Variants in SATB2 observed in about 807,000 individuals in gnomAD.
SATB2 encodes the protein DNA-binding protein SATB2.
A neutral mutation model predicts 73.4 loss-of-function variants in SATB2; 1 was observed. That is an observed-to-expected ratio of 0.01 (90% CI 0.00 to 0.06). The LOEUF (loss-of-function observed/expected upper bound fraction) is 0.06. Ranked by LOEUF, SATB2 falls within the 10% of genes least tolerant of loss-of-function variation. The pLI is 1.00. For synonymous variants in SATB2, 397 were observed against 367.0 expected (o/e 1.08, Z -0.93); for missense variants, 459 against 945.8 (o/e 0.49, Z 6.75).
chr2:199,360,150 A>G (rs1457568355), intron 6 of SATB2, among the ~76,000 whole-genome samples: 1 of 152,174 alleles, frequency 6.6e-6, no homozygotes, highest in Non-Finnish European at 1.5e-5. Flanking sequence ...AAACCAAAAG[A>G]GTTCTCTGAT....
intron 10 of SATB2, among the ~76,000 whole-genome samples, chr2:199,276,970 C>T (rs766679459): frequency 5.4e-4 from 82 of 152,176 alleles, no homozygotes; most frequent in Non-Finnish European, 5.9e-4. Flanking sequence ...CTTATATAAC[C>T]GAGCAGTAGG....
chr2:199,362,287 C>G (rs1689161333), intron 6 of SATB2, among the ~76,000 whole-genome samples: 2 of 152,066 alleles, frequency 1.3e-5, no homozygotes, highest in South Asian at 4.1e-4. Context: ...TCCTCCTTCT[C>G]TTTTCCTCCT....
chr2:199,338,823 G>A (rs751450699), intron 7 of SATB2, among the ~76,000 whole-genome samples: 5 of 151,542 alleles, frequency 3.3e-5, no homozygotes, highest in Non-Finnish European at 7.4e-5. Context: ...AGGCTGAGGT[G>A]GGAGAATCGC....
chr2:199,342,217 C>T (rs1455945230), intron 7 of SATB2, among the ~76,000 whole-genome samples: 1 of 152,096 alleles, frequency 6.6e-6, no homozygotes, highest in Non-Finnish European at 1.5e-5. Flanking sequence ...TGTTATCTGC[C>T]TGAGGCTCCT....
chr2:199,363,303 T>G (rs1035900108), intron 6 of SATB2, among the ~76,000 whole-genome samples: 14 of 152,326 alleles, frequency 9.2e-5, no homozygotes, highest in African/African-American at 3.4e-4. Flanking sequence ...TGGCTGACAG[T>G]AGAAATGATG....
chr2:199,397,896 TA>T (rs1033154946), intron 3 of SATB2: 58 of 283,622 alleles, frequency 2.0e-4, no homozygotes, highest in African/African-American at 1.3e-3. Context: ...AACAGAAAGA[TA>T]TTTGAAAGAC....
Position 199,270,540 on chromosome 2 carries a change from G to A in SATB2, c.*1671C>T, listed in dbSNP as rs1354758423. 6.6e-6 allele frequency: 1 copy of A among 152,262 alleles called. No homozygotes were observed. The highest frequency in any genetic ancestry group is 1.5e-5 in the Non-Finnish European group (1 of 68,020). 9.4% of individuals were successfully genotyped at this position (152,262 alleles called of 1,614,324 possible). Reference sequence around the variant, plus strand: ...AAAAAAAAAAAATCCAACCATGTGGGACTGTTTAATGGCCAGTTTAAAGCA... The same window carrying A: ...AAAAAAAAAAAATCCAACCATGTGGAACTGTTTAATGGCCAGTTTAAAGCA... On this transcript the variant is annotated 3_prime_UTR_variant, in exon 11 of 11. Transcript: ENST00000417098.
intron 3 of SATB2, among the ~76,000 whole-genome samples, chr2:199,427,326 T>C (rs1047468673): frequency 4.6e-5 from 7 of 151,422 alleles, no homozygotes; most frequent in Admixed American, 3.3e-4. Context: ...AGATAACCCA[T>C]AGATTCAAAA....
chr2:199,467,375 GC>G (rs1485825518), upstream of SATB2: 1 of 152,324 alleles, frequency 6.6e-6, no homozygotes, highest in Non-Finnish European at 1.5e-5. Context: ...TTTCCAAGGA[GC>G]TTTTATCCAA....
chr2:199,417,216 C>T (rs1209423073), intron 3 of SATB2, among the ~76,000 whole-genome samples: 4 of 151,428 alleles, frequency 2.6e-5, no homozygotes, highest in Non-Finnish European at 4.4e-5. Flanking sequence ...TAATATAATT[C>T]GGCATGAAGC....
intron 7 of SATB2, among the ~76,000 whole-genome samples, chr2:199,344,501 T>A (rs1688594939): frequency 6.6e-6 from 1 of 152,188 alleles, no homozygotes; most frequent in Non-Finnish European, 1.5e-5. Flanking sequence ...CATTTTCAAG[T>A]GATGTTAACA....
upstream of SATB2, chr2:199,458,404 C>G: frequency 2.8e-6 from 1 of 359,712 alleles, no homozygotes; most frequent in Non-Finnish European, 5.5e-6. Flanking sequence ...AGCGGGGTGA[C>G]GAGGACCTCA....
At chr2:199,285,907 C>A (rs554039711) in intron 10 of SATB2, among the ~76,000 whole-genome samples, 5 of 136,538 alleles carry the variant, frequency 3.7e-5, no homozygotes, top group African/African-American at 2.7e-5. Flanking sequence ...AATATTGTAA[C>A]CAAGATACTA....
intron 3 of SATB2, among the ~76,000 whole-genome samples, chr2:199,389,768 GAAGATT>G (rs1690069472): frequency 6.6e-6 from 1 of 152,016 alleles, no homozygotes; most frequent in Non-Finnish European, 1.5e-5. Flanking sequence ...AAATTATCAA[GAAGATT>G]ATTATTTAAA....
chr2:199,409,659 G>GT (rs879885170), intron 3 of SATB2, among the ~76,000 whole-genome samples: 2,199 of 123,838 alleles, frequency 0.018, 21 homozygotes, highest in Non-Finnish European at 0.022. Flanking sequence ...AGTTTTTTTT[G>GT]TTTTTTTTTG....
intron 3 of SATB2, among the ~76,000 whole-genome samples, chr2:199,401,756 G>C (rs748155719): frequency 2.0e-5 from 3 of 152,094 alleles, no homozygotes; most frequent in Admixed American, 6.6e-5. Context: ...AATTCAAAGA[G>C]GCTGGCAGTA....
In SATB2 at chr2:199,464,201, CTG is replaced by C. The variant is rs1692543589; in HGVS notation, c.-141+633_-141+634del. Among the ~76,000 whole-genome samples the C allele has an allele frequency of 6.6e-6, 1 of 152,180 alleles. No individual in the cohort carries two copies. Among genetic ancestry groups the C allele is most frequent in the Non-Finnish European group, 1.5e-5 (1 of 68,026 alleles). On this transcript the variant is annotated intron_variant, in intron 1 of 11. Transcript: ENST00000260926. The surrounding 1 kb of genome is among the most constrained non-coding windows in gnomAD (Gnocchi z 6.6). The stretch of plus-strand genomic sequence containing the variant: ...TGGCCTCCGGGAAAGGCCCAAGTGA[CTG>C]TGACGGCGGCGACTCGGGCTCAGTT...
chr2:199,342,204 G>A (rs1184199170), intron 7 of SATB2, among the ~76,000 whole-genome samples: 13 of 151,978 alleles, frequency 8.6e-5, no homozygotes. Flanking sequence ...AACAGAGCTG[G>A]GATGTTATCT....
chr2:199,362,959 G>A (rs1689181093), intron 6 of SATB2, among the ~76,000 whole-genome samples: 1 of 152,088 alleles, frequency 6.6e-6, no homozygotes, highest in Non-Finnish European at 1.5e-5. Flanking sequence ...GTACAAATAT[G>A]AGTAGATTGC....
Sources: gnomAD v4.1 joint callset for allele counts (sites outside exome capture counted in the v4.1 genomes callset) on GRCh38, gnomAD v4.1.1 for gene constraint, Gnocchi (gnomAD v3.1) non-coding constraint, MANE v1.5 for transcripts, NCBI Gene and HGNC (gene_info 2026-07-23, HGNC 2026-07-21) for gene names.